Variants in GMNC observed in about 807,000 individuals in gnomAD.
GMNC encodes geminin coiled-coil domain containing.
A neutral mutation model predicts 33.6 loss-of-function variants in GMNC; 16 were observed. The observed-to-expected ratio is 0.48, with a 90% CI of 0.32 to 0.72. GMNC has a LOEUF of 0.72. Ranked by LOEUF, GMNC falls within the 30% of genes least tolerant of loss-of-function variation. The pLI, the probability that GMNC is intolerant of heterozygous loss-of-function variation, is 0.03. For missense variants in GMNC, 393 were observed against 388.9 expected (o/e 1.01, Z -0.09); for synonymous variants, 156 against 147.3 (o/e 1.06, Z -0.43).
chr3:190,855,991 T>C (rs1028759444), intron 4 of GMNC, 76 bp from the exon 5 acceptor site: 1 of 1,127,142 alleles, frequency 8.9e-7, no homozygotes, highest in Non-Finnish European at 1.2e-6. Context: ...GAAAAAATGC[T>C]TAAATTTCTC....
the GMNC span, among the ~76,000 whole-genome samples, chr3:190,847,331 G>A: frequency 2.0e-5 from 3 of 152,066 alleles, no homozygotes; most frequent in Non-Finnish European, 4.4e-5. Context: ...ATATTCGTGG[G>A]GTCCTTCTAG....
At position 190,855,525 on chromosome 3, in the gene GMNC, G is replaced by A. The variant is rs1737713184; in HGVS notation, c.775C>T (p.His259Tyr). Residue 259 changes from histidine to tyrosine, a missense_variant, in exon 5 of 5, where the codon CAT becomes TAT. By Grantham distance (83) the His-to-Tyr change is moderately conservative. Coordinates refer to ENST00000442080, the MANE Select transcript of GMNC (RefSeq NM_001146686.3). ...GAAAGGATGTGGAAATCTTCTCCATGAGTGGCAGTGCTGTGCAAGGGGGTT... is the reference window on the plus strand; with the variant it reads ...GAAAGGATGTGGAAATCTTCTCCATAAGTGGCAGTGCTGTGCAAGGGGGTT... ...RTTPLHSTAT[H>Y]GEDFHILSQL... 6.4e-7 allele frequency: 1 copy of A among 1,551,542 alleles called. No individual in the cohort carries two copies. Among genetic ancestry groups the A allele is most frequent in the South Asian group, 1.2e-5 (1 of 84,054 alleles).
At position 190,852,967 on chromosome 3, in the gene GMNC, A is replaced by T. The variant is rs1250092122; in HGVS notation, c.*2328T>A. ...TGGATATTAAATATTTATAGACATG[A>T]TTTCAAAAACGTGGTAATTGTCTTC... On this transcript the variant is annotated 3_prime_UTR_variant, in exon 5 of 5. Transcript: ENST00000442080. 1 of 152,180 alleles carries T rather than the reference A, an allele frequency of 6.6e-6. No homozygotes were observed. The highest frequency in any genetic ancestry group is 1.5e-5 in the Non-Finnish European group (1 of 67,996). 9.4% of individuals were successfully genotyped at this position (152,180 alleles called of 1,614,324 possible).
Position 190,862,680 on chromosome 3 carries a change from G to A in GMNC, c.-65C>T, listed in dbSNP as rs1198958255. On this transcript the variant is annotated 5_prime_UTR_variant, in exon 1 of 5. Transcript: ENST00000442080. The surrounding 1 kb of genome is among the most constrained non-coding windows in gnomAD (Gnocchi z 4.5). ...CAATTTTTCAGTAAAACCAGTGGGA[G>A]CTTTAAATGAGACTGAGGGGAGGAG... 1.9e-6 allele frequency: 3 copies of A among 1,550,796 alleles called. No individual in the cohort carries two copies. Among genetic ancestry groups the A allele is most frequent in the African/African-American group, 1.4e-5 (1 of 73,054 alleles).
chr3:190,860,939 A>G (rs1737851031), intron 1 of GMNC, 81 bp from the exon 2 acceptor site: 12 of 948,944 alleles, frequency 1.3e-5, no homozygotes, highest in African/African-American at 1.7e-5. Context: ...GGGTGGGAGA[A>G]ATACCGAAAT....
In GMNC at chr3:190,860,742, A is replaced by G; in HGVS notation, c.120T>C (p.Ser40=). Residue 40 remains serine (S), a synonymous_variant, in exon 2 of 5, where the codon TCT becomes TCC. Transcript: ENST00000442080. ...TGTCCAGGAGACCAGCAGCCCAGAAAGAGACCCAAGTCTCCGTGGAAACGT... is the reference window on the plus strand; with the variant it reads ...TGTCCAGGAGACCAGCAGCCCAGAAGGAGACCCAAGTCTCCGTGGAAACGT... ...SVDVSTETWV[S]FWAAGLLDNR... 3.9e-6 allele frequency: 6 copies of G among 1,551,620 alleles called. No individual in the cohort carries two copies. Among genetic ancestry groups the G allele is most frequent in the South Asian group, 2.4e-5 (2 of 84,044 alleles).
chr3:190,862,409 A>C lies in GMNC; in HGVS notation c.3+204T>G, dbSNP rs1737892738. Among the ~76,000 whole-genome samples the C allele has an allele frequency of 1.4e-5, 2 of 146,796 alleles. No individual in the cohort carries two copies. Among genetic ancestry groups the C allele is most frequent in the South Asian group, 4.2e-4 (2 of 4,732 alleles). ...GAGAAAGGAGAGAAAGAAGAGGGAG[A>C]GAGGGAGAGAAAGAGAGAGAGAGAG... On this transcript the variant is annotated intron_variant, in intron 1 of 4. Coordinates refer to ENST00000442080, the MANE Select transcript of GMNC (RefSeq NM_001146686.3). This position sits in a 1 kb window ranked among gnomAD's most constrained non-coding sequence, Gnocchi z 4.5.
In GMNC at chr3:190,855,645, C is replaced by G. The variant is rs1427863517; in HGVS notation, c.655G>C (p.Val219Leu). Residue 219 changes from valine to leucine, a missense_variant, in exon 5 of 5, where the codon GTC (valine) becomes CTC (leucine). Physicochemically the swap from Val to Leu is conservative, Grantham distance 32. Coordinates refer to ENST00000442080, the MANE Select transcript of GMNC (RefSeq NM_001146686.3). ...YSALASHPRR[V>L]ASTFSQFPDD... ...GGAAACTGGGAAAATGTGCTGGCGA[C>G]TCTTCTGGGATGAGATGCGAGGGCA... The G allele has an allele frequency of 1.9e-6, 3 of 1,551,468 alleles. No individual in the cohort carries two copies. The highest frequency in any genetic ancestry group is 3.9e-5 in the Admixed American group (2 of 50,964).
At position 190,860,812 on chromosome 3, in the gene GMNC, C is replaced by T. The variant is rs1350013289; in HGVS notation, c.50G>A (p.Ser17Asn). Residue 17 changes from serine (S) to asparagine (N), a missense_variant, in exon 2 of 5, where the codon AGC becomes AAC. Coordinates refer to ENST00000442080, the MANE Select transcript of GMNC (RefSeq NM_001146686.3). ...TGTAGTGGAATACGGGCAATTATAG[C>T]TCTGGCCTCCTACAAAGTACTGGTC... ...CQDQYFVGGQ[S>N]YNCPYSTTTS... 29 of 1,551,256 alleles carry T rather than the reference C, an allele frequency of 1.9e-5. No homozygotes were observed. Among genetic ancestry groups the T allele is most frequent in the Non-Finnish European group, 2.5e-5 (29 of 1,146,884 alleles).
At chr3:190,860,883 T>G in intron 1 of GMNC, 25 bp from the exon 2 acceptor site, 29 of 1,463,466 alleles carry the variant, frequency 2.0e-5, no homozygotes, top group South Asian at 5.6e-5. Context: ...ATGGGGGGAG[T>G]GAGGGGTCCC....
chr3:190,850,318 T>C (rs144905192), downstream of GMNC, among the ~76,000 whole-genome samples: 499 of 152,338 alleles, frequency 3.3e-3, 5 homozygotes, highest in African/African-American at 0.011. Context: ...TATCATTATG[T>C]GTGATAGTGA....
the GMNC span, among the ~76,000 whole-genome samples, chr3:190,844,636 A>C: frequency 6.6e-6 from 1 of 152,132 alleles, no homozygotes; most frequent in Admixed American, 6.5e-5. Context: ...ATTTTTTGAC[A>C]GTCTCTATTT....
rs1433196331 is a variant in GMNC, at chr3:190,858,931, C to A, written c.264G>T (p.Lys88Asn). Residue 88 changes from lysine (K) to asparagine (N), a missense_variant, in exon 3 of 5, where the codon AAG becomes AAT. Coordinates refer to ENST00000442080, the MANE Select transcript of GMNC (RefSeq NM_001146686.3). ...AQLSSQLYRN[K>N]QLQDTLVQKE... is the part of the protein sequence containing the mutation. ...CAATGTTCTGACTTACACATACCTG[C>A]TTATTTCTGTAGAGCTGAGAGGAAA... is the stretch of plus-strand genomic sequence containing the variant. 1 of 1,542,746 alleles carries A rather than the reference C, an allele frequency of 6.5e-7. No individual in the cohort carries two copies. The highest frequency in any genetic ancestry group is 8.8e-7 in the Non-Finnish European group (1 of 1,139,302).
At chr3:190,860,432 T>A (rs528254876) in intron 2 of GMNC, among the ~76,000 whole-genome samples, 2 of 152,298 alleles carry the variant, frequency 1.3e-5, no homozygotes, top group African/African-American at 4.8e-5. Context: ...CTCAGTGAGA[T>A]AGGACTCTCC....
the GMNC span, among the ~76,000 whole-genome samples, chr3:190,846,986 A>C: frequency 2.6e-5 from 4 of 152,208 alleles, no homozygotes; most frequent in Admixed American, 1.3e-4. Context: ...CGTGTGGTCC[A>C]AGGCACTTAA....
the GMNC span, among the ~76,000 whole-genome samples, chr3:190,843,803 T>A: frequency 6.6e-6 from 1 of 152,212 alleles, no homozygotes; most frequent in African/African-American, 2.4e-5. Context: ...TAAAAGGACA[T>A]CTTTCTCCAC....
chr3:190,859,875 C>A, intron 2 of GMNC: 1 of 440,610 alleles, frequency 2.3e-6, no homozygotes, highest in Non-Finnish European at 4.5e-6. Flanking sequence ...AATAAAATGG[C>A]ATAAGTAGTT....
chr3:190,859,078 CTT>C (rs1737809004), intron 2 of GMNC, 62 bp from the exon 3 acceptor site: 4 of 1,010,776 alleles, frequency 4.0e-6, no homozygotes, highest in Non-Finnish European at 6.0e-6. Context: ...AATAAAGAAA[CTT>C]ATCAAATCAA....
At chr3:190,850,756 G>T (rs1343370554), downstream of GMNC, among the ~76,000 whole-genome samples, 1 of 152,116 alleles carries the variant, frequency 6.6e-6, no homozygotes, top group Non-Finnish European at 1.5e-5. Context: ...TAGTAGAAAA[G>T]GTATTAGACC....
Sources: gnomAD v4.1 joint callset for allele counts (sites outside exome capture counted in the v4.1 genomes callset) on GRCh38, gnomAD v4.1.1 for gene constraint, Gnocchi (gnomAD v3.1) non-coding constraint, MANE v1.5 for transcripts, NCBI Gene and HGNC (gene_info 2026-07-23, HGNC 2026-07-21) for gene names.